The following MED12L variants were observed in gnomAD, a reference collection of about 807,000 sequenced individuals.
The protein encoded by MED12L is mediator of RNA polymerase II transcription subunit 12-like protein.
Under a neutral mutation model 281.3 loss-of-function variants are expected in MED12L, and 60 were observed. The ratio of observed to expected loss-of-function variants is 0.21; its 90% CI spans 0.17 to 0.26. The LOEUF is 0.26. Among genes scored for constraint, MED12L ranks in the 10% least tolerant of loss-of-function variants. MED12L has a pLI of 1.00. For missense variants in MED12L, 2,146 were observed against 2,680.9 expected (o/e 0.80, Z 4.41); for synonymous variants, 974 against 987.2 (o/e 0.99, Z 0.25).
intron 39 of MED12L, among the ~76,000 whole-genome samples, chr3:151,399,900 C>T (rs1335465030): frequency 6.6e-6 from 1 of 151,964 alleles, no homozygotes; most frequent in Admixed American, 6.5e-5. Flanking sequence ...AATCTCCGCT[C>T]ATTGCAACCT....
intron 17 of MED12L, among the ~76,000 whole-genome samples, chr3:151,350,654 A>T (rs960443238): frequency 8.5e-5 from 13 of 152,200 alleles, no homozygotes; most frequent in Admixed American, 1.3e-4. Flanking sequence ...ATTGAAAATC[A>T]TGACAGCATA....
In MED12L at chr3:151,327,940, TTATC is replaced by T. The variant is rs745666599; in HGVS notation, c.2251-22116_2251-22113del. On this transcript the variant is annotated intron_variant, in intron 16 of 44. Transcript: ENST00000687756. ...TTCTTGGTTAAATTTGATTTCCACATTATCTACGGAAGTCTCATCAATAAATAGA... is the reference window on the plus strand; with the variant it reads ...TTCTTGGTTAAATTTGATTTCCACATTACGGAAGTCTCATCAATAAATAGA... 9.4e-6 allele frequency: 12 copies of T among 1,279,046 alleles called. No individual in the cohort carries two copies. In the African/African-American group the frequency reaches 1.5e-4, roughly 16 times the overall value. The allele number at this position is 1,279,046 out of a possible 1,614,324, so 79.2% of individuals were successfully genotyped here.
At chr3:151,367,851 G>A in intron 24 of MED12L, 85 bp downstream of exon 24, 4 of 1,429,236 alleles carry the variant, frequency 2.8e-6, no homozygotes, top group East Asian at 2.3e-5. Flanking sequence ...AGGGAAAGGA[G>A]TATTTGAGGG....
intron 16 of MED12L, among the ~76,000 whole-genome samples, chr3:151,317,644 G>T (rs928361976): frequency 6.0e-5 from 9 of 151,160 alleles, no homozygotes; most frequent in Non-Finnish European, 1.2e-4. Context: ...TAGAGACGGG[G>T]TTTCTCTATG....
chr3:151,175,261 A>G lies in MED12L; in HGVS notation c.1494+9279A>G, dbSNP rs531240652. Among the ~76,000 whole-genome samples the G allele has an allele frequency of 2.0e-5, 3 of 152,302 alleles. No individual in the cohort carries two copies. In the South Asian group the frequency reaches 6.2e-4, roughly 32 times the overall value. Reference sequence around the variant, plus strand: ...CACTACATATTATTCCATATTATTTATTGGTGCTGTAATATGAATAATATC... The same window carrying G: ...CACTACATATTATTCCATATTATTTGTTGGTGCTGTAATATGAATAATATC... On this transcript the variant is annotated intron_variant, in intron 11 of 44. Coordinates refer to ENST00000687756, the MANE Select transcript of MED12L (RefSeq NM_001393769.1).
At chr3:151,111,071 G>A (rs1711804885) in intron 2 of MED12L, among the ~76,000 whole-genome samples, 1 of 152,230 alleles carries the variant, frequency 6.6e-6, no homozygotes, top group Non-Finnish European at 1.5e-5. Flanking sequence ...CTCTGTGGGT[G>A]GGACCAGCAG....
At chr3:151,116,746 C>T (rs1471611141) in intron 3 of MED12L, among the ~76,000 whole-genome samples, 2 of 152,246 alleles carry the variant, frequency 1.3e-5, no homozygotes, top group Non-Finnish European at 1.5e-5. Flanking sequence ...GTCTGACATA[C>T]TAGTGCTATA....
chr3:151,199,258 A>T, intron 16 of MED12L: 2 of 1,614,082 alleles, frequency 1.2e-6, no homozygotes, highest in Non-Finnish European at 1.7e-6. Flanking sequence ...TGTGATTCGT[A>T]TTCTTCTGTA....
intron 5 of MED12L, 127 bp downstream of exon 5, chr3:151,128,111 C>T (rs1455263629): frequency 3.8e-6 from 3 of 783,108 alleles, no homozygotes; most frequent in Admixed American, 2.4e-5. Context: ...CTGATTTGCT[C>T]GGGTATGGAT....
intron 27 of MED12L, among the ~76,000 whole-genome samples, chr3:151,373,663 A>G (rs560894379): frequency 1.3e-5 from 2 of 151,570 alleles, no homozygotes; most frequent in Admixed American, 1.3e-4. Context: ...TATTATCCAT[A>G]TGGGTTATAA....
At chr3:151,121,117 G>T (rs190062369) in intron 3 of MED12L, among the ~76,000 whole-genome samples, 5 of 152,268 alleles carry the variant, frequency 3.3e-5, no homozygotes, top group Admixed American at 3.3e-4. Context: ...GCAGCTGTAG[G>T]TGTTTTGTGC....
At chr3:151,300,787 C>A in intron 16 of MED12L, among the ~76,000 whole-genome samples, 1 of 152,126 alleles carries the variant, frequency 6.6e-6, no homozygotes, top group East Asian at 1.9e-4. Context: ...TTACTTTTGT[C>A]CCTGCATATG....
At position 151,368,158 on chromosome 3, in the gene MED12L, G is replaced by A. The variant is rs1207782214; in HGVS notation, c.3457G>A (p.Asp1153Asn). The A allele has an allele frequency of 1.9e-6, 3 of 1,613,926 alleles. No homozygotes were observed. Among genetic ancestry groups the A allele is most frequent in the Admixed American group, 1.7e-5 (1 of 59,998 alleles). ...LPSLLAAACG[D>N]ADAEPGARMT... ...CAATCCCCCTTTCCTAGCTTGTGGG[G>A]ATGCGGACGCCGAGCCTGGGGCGAG... The change falls in exon 25 of 45, where the codon GAT (aspartate) becomes AAT (asparagine). Residue 1153 changes from aspartate (D) to asparagine (N), a missense_variant. Physicochemically the swap from Asp to Asn is conservative, Grantham distance 23 (BLOSUM62 1). Coordinates refer to ENST00000687756, the MANE Select transcript of MED12L (RefSeq NM_001393769.1).
At chr3:151,255,218 A>G (rs1241390638) in intron 16 of MED12L, among the ~76,000 whole-genome samples, 3 of 152,162 alleles carry the variant, frequency 2.0e-5, no homozygotes, top group Non-Finnish European at 4.4e-5. Context: ...TATCAGCCAT[A>G]TAACAGGGGA....
intron 16 of MED12L, chr3:151,327,947 C>T (rs754383321): frequency 1.2e-5 from 16 of 1,333,616 alleles, no homozygotes; most frequent in South Asian, 1.6e-5. Flanking sequence ...ACATTATCTA[C>T]GGAAGTCTCA....
chr3:151,251,952 T>C (rs926387800), intron 16 of MED12L, among the ~76,000 whole-genome samples: 3 of 152,214 alleles, frequency 2.0e-5, no homozygotes, highest in African/African-American at 7.2e-5. Flanking sequence ...AGCTTTGAAG[T>C]CACAGATTTT....
chr3:151,121,647 G>A (rs1372133596), intron 3 of MED12L, among the ~76,000 whole-genome samples: 1 of 152,178 alleles, frequency 6.6e-6, no homozygotes, highest in African/African-American at 2.4e-5. Flanking sequence ...AGTCTGAAAT[G>A]TGATGCTTTG....
chr3:151,389,255 A>T (rs1018118901), intron 37 of MED12L, among the ~76,000 whole-genome samples: 1 of 151,076 alleles, frequency 6.6e-6, no homozygotes, highest in Admixed American at 6.6e-5. Context: ...AAAAGCCCTG[A>T]AACCAATCCT....
At chr3:151,265,509 G>A (rs529664635) in intron 16 of MED12L, among the ~76,000 whole-genome samples, 2 of 152,130 alleles carry the variant, frequency 1.3e-5, no homozygotes, top group African/African-American at 4.8e-5. Flanking sequence ...CCCACTTGCC[G>A]GTCACTGCCA....
Sources: gnomAD v4.1 joint callset for allele counts (sites outside exome capture counted in the v4.1 genomes callset) on GRCh38, gnomAD v4.1.1 for gene constraint, MANE v1.5 for transcripts, NCBI Gene and HGNC (gene_info 2026-07-23, HGNC 2026-07-21) for gene names.